The following PLAGL2 variants were observed in gnomAD, a reference collection of about 807,000 sequenced individuals.
PLAGL2 encodes PLAG1 like zinc finger 2.
Under a neutral mutation model 29.0 loss-of-function variants are expected in PLAGL2, and 7 were observed. That is an observed-to-expected ratio of 0.24 (90% CI 0.14 to 0.45). The LOEUF is 0.45. Among genes scored for constraint, PLAGL2 ranks in the 20% least tolerant of loss-of-function variants. The pLI is 0.99. For missense variants in PLAGL2, 454 were observed against 648.2 expected, an observed-to-expected ratio of 0.70 and a Z score of 3.25; for synonymous variants, 234 against 266.0, an observed-to-expected ratio of 0.88 and a Z score of 1.17.
At chr20:32,204,658 C>G (rs774016613) in intron 1 of PLAGL2, among the ~76,000 whole-genome samples, 3 of 152,174 alleles carry the variant, frequency 2.0e-5, no homozygotes, top group Non-Finnish European at 4.4e-5. Flanking sequence ...ACCTAGGAAC[C>G]CTTTTGGGGA....
At chr20:32,200,507 T>C (rs571797407) in intron 2 of PLAGL2, among the ~76,000 whole-genome samples, 1 of 151,878 alleles carries the variant, frequency 6.6e-6, no homozygotes, top group South Asian at 2.1e-4. Flanking sequence ...ATTACAGGCG[T>C]GAGCCACCGC....
At chr20:32,204,229 T>C (rs897487013) in intron 1 of PLAGL2, among the ~76,000 whole-genome samples, 3 of 152,148 alleles carry the variant, frequency 2.0e-5, no homozygotes, top group Admixed American at 2.0e-4. Context: ...AAGTTGGGAA[T>C]GGCAGCCAGA....
At chr20:32,204,570 C>T (rs769096384) in intron 1 of PLAGL2, among the ~76,000 whole-genome samples, 88 of 152,186 alleles carry the variant, frequency 5.8e-4, no homozygotes, top group Admixed American at 1.0e-3. Flanking sequence ...TCCTACTCTC[C>T]TACACTTTTC....
Position 32,196,348 on chromosome 20 carries a change from A to T in PLAGL2, c.*104T>A. The T allele has an allele frequency of 1.1e-6, 1 of 887,602 alleles. No homozygotes were observed. Among genetic ancestry groups the T allele is most frequent in the Middle Eastern group, 3.9e-4 (1 of 2,562 alleles). The allele number at this position is 887,602 out of a possible 1,614,324, so 55.0% of individuals were successfully genotyped here. Reference sequence around the variant, plus strand: ...ACAGACACTGGAATTTTTTTTTTTGAACCCAGCTCTGAAAGCTCAGCTGCC... The same window carrying T: ...ACAGACACTGGAATTTTTTTTTTTGTACCCAGCTCTGAAAGCTCAGCTGCC... On this transcript the variant is annotated 3_prime_UTR_variant, in exon 3 of 3. Transcript: ENST00000246229.
chr20:32,207,241 T>C (rs2047293743), intron 1 of PLAGL2, among the ~76,000 whole-genome samples: 1 of 151,982 alleles, frequency 6.6e-6, no homozygotes, highest in Admixed American at 6.6e-5. Context: ...TGGGTCTGGG[T>C]AGGCGTGTCG....
Position 32,197,869 on chromosome 20 carries a change from G to A in PLAGL2, c.261-187C>T, listed in dbSNP as rs1422889070. On this transcript the variant is annotated intron_variant, in intron 2 of 2. Coordinates refer to ENST00000246229, the MANE Select transcript of PLAGL2 (RefSeq NM_002657.3). The surrounding 1 kb of genome is among the most constrained non-coding windows in gnomAD (Gnocchi z 6.6). ...GCCTATCTGCAAAATAATGTGTACC[G>A]ACATTCTTTGCAGCATTGCTTGTAG... Among the ~76,000 whole-genome samples, 2 of 152,154 alleles carry A rather than the reference G, an allele frequency of 1.3e-5. No homozygotes were observed. Among genetic ancestry groups the A allele is most frequent in the Non-Finnish European group, 2.9e-5 (2 of 68,038 alleles).
intron 2 of PLAGL2, among the ~76,000 whole-genome samples, chr20:32,199,557 G>A (rs761179322): frequency 6.6e-5 from 10 of 152,162 alleles, no homozygotes; most frequent in African/African-American, 9.7e-5. Flanking sequence ...TAAGAAGGCC[G>A]GGTGCAGTGG....
chr20:32,200,392 G>A (rs1184412093), intron 2 of PLAGL2, among the ~76,000 whole-genome samples: 1 of 151,662 alleles, frequency 6.6e-6, no homozygotes, highest in Non-Finnish European at 1.5e-5. Flanking sequence ...GCCTGCCACC[G>A]CGCCCAGCTA....
intron 1 of PLAGL2, among the ~76,000 whole-genome samples, chr20:32,205,437 C>T (rs2047281383): frequency 6.6e-6 from 1 of 152,136 alleles, no homozygotes; most frequent in African/African-American, 2.4e-5. Flanking sequence ...GAGCCACTTT[C>T]CTATACTCTC....
intron 1 of PLAGL2, among the ~76,000 whole-genome samples, chr20:32,205,747 G>A (rs2047283178): frequency 6.6e-6 from 1 of 152,214 alleles, no homozygotes; most frequent in African/African-American, 2.4e-5. Context: ...TCAGCACAGA[G>A]CTTGGCCTGC....
chr20:32,198,761 T>C (rs1377840215), intron 2 of PLAGL2, among the ~76,000 whole-genome samples: 2 of 152,182 alleles, frequency 1.3e-5, no homozygotes, highest in African/African-American at 4.8e-5. Context: ...AGAAAGAGAA[T>C]ATACATGTTT....
intron 1 of PLAGL2, among the ~76,000 whole-genome samples, chr20:32,206,638 C>T (rs2047289219): frequency 6.6e-6 from 1 of 152,198 alleles, no homozygotes; most frequent in South Asian, 2.1e-4. Context: ...GAAAAACACA[C>T]AAGCCAGGAG....
rs1229341349 is a variant in PLAGL2 at position 32,192,651 on chromosome 20, C to A, written c.*3801G>T. ...GGCACTTATACTTTACAATTAAAAA[C>A]CTTGTTTTATATAAAGCCAAAAATA... On this transcript the variant is annotated 3_prime_UTR_variant, in exon 3 of 3. Coordinates refer to ENST00000246229, the MANE Select transcript of PLAGL2 (RefSeq NM_002657.3). The A allele has an allele frequency of 6.5e-6, 1 of 152,728 alleles. No individual in the cohort carries two copies. The highest frequency in any genetic ancestry group is 6.5e-5 in the Admixed American group (1 of 15,306). The allele number at this position is 152,728 out of a possible 1,614,324, so 9.5% of individuals were successfully genotyped here. A position where few individuals can be genotyped will look rare whatever the true frequency, so the allele number is the denominator to read the frequency against.
At chr20:32,200,943 C>G (rs151171738) in intron 2 of PLAGL2, among the ~76,000 whole-genome samples, 1 of 152,320 alleles carries the variant, frequency 6.6e-6, no homozygotes, top group African/African-American at 2.4e-5. Flanking sequence ...GCAACCAAAG[C>G]TGCTCTTCTC....
rs921579673 is a variant in PLAGL2, at chr20:32,193,911, T to G, written c.*2541A>C. The G allele has an allele frequency of 2.6e-5, 4 of 152,198 alleles. No homozygotes were observed. Among genetic ancestry groups the G allele is most frequent in the African/African-American group, 9.7e-5 (4 of 41,274 alleles). The allele number at this position is 152,198 out of a possible 1,614,324, so 9.4% of individuals were successfully genotyped here. The stretch of plus-strand genomic sequence containing the variant: ...AAGTTCACAGTGATAGGAAAATTCC[T>G]TGTGGGTGCTGAGGACACTGAGAGG... On this transcript the variant is annotated 3_prime_UTR_variant, in exon 3 of 3. Transcript: ENST00000246229.
At chr20:32,201,588 AAAAC>A (rs962085975) in intron 2 of PLAGL2, among the ~76,000 whole-genome samples, 21 of 152,270 alleles carry the variant, frequency 1.4e-4, no homozygotes, top group South Asian at 4.1e-4. Context: ...ATTTCTTAAA[AAAAC>A]AAACAAACAA....
Position 32,197,822 on chromosome 20 carries a change from G to T in PLAGL2, c.261-140C>A. The T allele has an allele frequency of 1.5e-6, 1 of 663,198 alleles. No homozygotes were observed. Among genetic ancestry groups the T allele is most frequent in the Non-Finnish European group, 2.6e-6 (1 of 389,770 alleles). The allele number at this position is 663,198 out of a possible 1,614,324, so 41.1% of individuals were successfully genotyped here. On this transcript the variant is annotated intron_variant, in intron 2 of 2. Coordinates refer to ENST00000246229, the MANE Select transcript of PLAGL2 (RefSeq NM_002657.3). The surrounding 1 kb of genome is among the most constrained non-coding windows in gnomAD (Gnocchi z 6.6). ...AGGCTTGCAATGCAATACCAAACCA[G>T]TTATATTCTACAGATATCCTTGCCT...
intron 1 of PLAGL2, among the ~76,000 whole-genome samples, chr20:32,207,011 G>C (rs1459482684): frequency 6.6e-6 from 1 of 152,172 alleles, no homozygotes; most frequent in Non-Finnish European, 1.5e-5. Context: ...GGGATAGTCA[G>C]AAGTGTATCC....
In PLAGL2 at chr20:32,197,017, C is replaced by A; in HGVS notation, c.926G>T (p.Gly309Val). ...GAHIPTMPST[G>V]VPHSLVHNTL... ...GTTGTGCACCAGGGAGTGTGGCACG[C>A]CCGTGCTGGGCATGGTAGGGATGTG... The change falls in exon 3 of 3, where the codon GGC becomes GTC. Residue 309 changes from glycine (G) to valine (V), a missense_variant. Around this residue, in one of 4 missense-constraint regions of PLAGL2, gnomAD observed 247 missense variants for 350.3 expected, o/e 0.71. Transcript: ENST00000246229. This position sits in a 1 kb window ranked among gnomAD's most constrained non-coding sequence, Gnocchi z 6.6. 5.6e-6 allele frequency: 9 copies of A among 1,614,172 alleles called. No homozygotes were observed. Among genetic ancestry groups the A allele is most frequent in the Non-Finnish European group, 7.6e-6 (9 of 1,180,012 alleles).
Sources: allele counts gnomAD v4.1 joint callset (sites outside exome capture counted in the v4.1 genomes callset), GRCh38; gene constraint gnomAD v4.1.1; regional missense constraint gnomAD v4.1.1; non-coding constraint Gnocchi (gnomAD v3.1); transcripts MANE v1.5; gene names NCBI Gene and HGNC (gene_info 2026-07-23, HGNC 2026-07-21).